Variants in RAD54B observed in about 807,000 individuals in gnomAD.
The protein encoded by RAD54B is DNA repair and recombination protein RAD54B.
Under a neutral mutation model 95.8 loss-of-function variants are expected in RAD54B, and 78 were observed. The observed-to-expected ratio is 0.81, with a 90% CI of 0.68 to 0.98. The LOEUF (loss-of-function observed/expected upper bound fraction) is 0.98, where lower values mean the gene tolerates loss of function less well. Among genes scored for constraint, RAD54B ranks in the 50% least tolerant of loss-of-function variants. RAD54B has a pLI of 0.00. For synonymous variants in RAD54B, 328 were observed against 354.9 expected (o/e 0.92, Z 0.85); for missense variants, 957 against 1,056.6 (o/e 0.91, Z 1.31).
intron 3 of RAD54B, among the ~76,000 whole-genome samples, chr8:94,455,876 T>C (rs757394343): frequency 1.5e-4 from 23 of 152,340 alleles, no homozygotes; most frequent in Middle Eastern, 3.4e-3. Context: ...TTAGGGTCTA[T>C]CTTAATCCAG....
At chr8:94,440,293 A>G (rs1812369114) in intron 3 of RAD54B, among the ~76,000 whole-genome samples, 1 of 152,164 alleles carries the variant, frequency 6.6e-6, no homozygotes, top group Non-Finnish European at 1.5e-5. Flanking sequence ...AATCTGAAAT[A>G]TTTATTACTG....
chr8:94,430,990 A>T, intron 3 of RAD54B: 1 of 985,270 alleles, frequency 1.0e-6, no homozygotes, highest in Non-Finnish European at 1.2e-6. Context: ...CTCACTCTTG[A>T]CTTCAAACAC....
chr8:94,378,038 A>T (rs1810637946), intron 14 of RAD54B, 142 bp downstream of exon 14: 1 of 485,600 alleles, frequency 2.1e-6, no homozygotes, highest in African/African-American at 2.1e-5. Context: ...TCTATCTGGC[A>T]GCTGCCCTAT....
intron 9 of RAD54B, 80 bp downstream of exon 9, chr8:94,393,663 A>C: frequency 1.5e-6 from 2 of 1,363,646 alleles, no homozygotes; most frequent in Non-Finnish European, 2.0e-6. Flanking sequence ...GATTTTTCTA[A>C]ATCAAAATAA....
At chr8:94,383,066 G>T (rs533025561) in intron 11 of RAD54B, among the ~76,000 whole-genome samples, 1 of 152,128 alleles carries the variant, frequency 6.6e-6, no homozygotes, top group Non-Finnish European at 1.5e-5. Flanking sequence ...GGAGGCCAAG[G>T]GGGGTGGGTC....
At chr8:94,463,342 A>G (rs374578535) in intron 2 of RAD54B, among the ~76,000 whole-genome samples, 26 of 152,044 alleles carry the variant, frequency 1.7e-4, no homozygotes, top group African/African-American at 5.3e-4. Flanking sequence ...AGTGCTCCAT[A>G]TCAGCTATCA....
chr8:94,388,764 A>T (rs752034619), intron 10 of RAD54B, among the ~76,000 whole-genome samples: 12 of 152,316 alleles, frequency 7.9e-5, no homozygotes, highest in Non-Finnish European at 1.5e-4. Flanking sequence ...AGGAACTCTA[A>T]AATATTTCTA....
chr8:94,380,530 T>C (rs1293164856), intron 11 of RAD54B, 124 bp from the exon 12 acceptor site: 1 of 1,005,966 alleles, frequency 9.9e-7, no homozygotes, highest in Non-Finnish European at 1.4e-6. Context: ...AATGACCTTG[T>C]ACAATTAAAA....
chr8:94,430,805 G>C, intron 3 of RAD54B: 1 of 985,428 alleles, frequency 1.0e-6, no homozygotes, highest in Non-Finnish European at 1.2e-6. Context: ...TGAAAATTCT[G>C]CTGGAGCTAA....
At position 94,399,277 on chromosome 8, in the gene RAD54B, AG is replaced by A. The variant is rs1340054671; in HGVS notation, c.1378+136del. On this transcript the variant is annotated intron_variant, in intron 8 of 14. Transcript: ENST00000336148. ...GATTTGAAGATTCAGAATCCTACCAAGAGTTAATTAACACAGGTTTATTAGT... is the reference window on the plus strand; with the variant it reads ...GATTTGAAGATTCAGAATCCTACCAAAGTTAATTAACACAGGTTTATTAGT... The A allele has an allele frequency of 8.7e-6, 6 of 686,730 alleles. No homozygotes were observed. The East Asian group carries it at 1.6e-4, about 19-fold the overall frequency. The allele number at this position is 686,730 out of a possible 1,614,324, so 42.5% of individuals were successfully genotyped here.
intron 14 of RAD54B, among the ~76,000 whole-genome samples, chr8:94,376,816 T>C (rs1327924247): frequency 6.7e-6 from 1 of 150,124 alleles, no homozygotes; most frequent in Admixed American, 6.7e-5. Context: ...AATAAACTAA[T>C]AAGCTTCTAT....
At chr8:94,430,154 A>C in intron 3 of RAD54B, 1 of 656,610 alleles carries the variant, frequency 1.5e-6, no homozygotes, top group South Asian at 6.8e-5. Flanking sequence ...TCTACTAAAA[A>C]CACAAAAAAT....
At chr8:94,453,861 G>A (rs548585344) in intron 3 of RAD54B, among the ~76,000 whole-genome samples, 2 of 151,990 alleles carry the variant, frequency 1.3e-5, no homozygotes, top group South Asian at 2.1e-4. Flanking sequence ...GCGCAATCTC[G>A]GCTCACTGCA....
At chr8:94,458,553 TAG>T in intron 2 of RAD54B, 117 bp from the exon 3 acceptor site, 2 of 696,230 alleles carry the variant, frequency 2.9e-6, no homozygotes, top group Non-Finnish European at 4.3e-6. Context: ...ATATATAAAC[TAG>T]AACTAGATAT....
rs146640256 is a variant in RAD54B, at chr8:94,441,097, G to A, written c.304+17171C>T. On this transcript the variant is annotated intron_variant, in intron 3 of 14. Coordinates refer to ENST00000336148, the MANE Select transcript of RAD54B (RefSeq NM_012415.3). ...TTTCTGTTTCACTCTGACCACCGGT[G>A]CATGCAGCCCCTGTCACGTACTCCC... is the stretch of plus-strand genomic sequence containing the variant. Among the ~76,000 whole-genome samples the A allele has an allele frequency of 1.4e-3, 206 of 147,844 alleles. 2 individuals are homozygous for A. The highest frequency in any genetic ancestry group is 5.2e-3 in the African/African-American group (199 of 38,198).
chr8:94,404,543 A>G (rs1337893276), intron 5 of RAD54B, among the ~76,000 whole-genome samples: 1 of 152,250 alleles, frequency 6.6e-6, no homozygotes, highest in Non-Finnish European at 1.5e-5. Flanking sequence ...ACAACATTGA[A>G]TAGTTCAGTA....
intron 8 of RAD54B, among the ~76,000 whole-genome samples, chr8:94,395,690 A>T (rs531871310): frequency 2.2e-4 from 34 of 152,158 alleles, no homozygotes; most frequent in Non-Finnish European, 4.1e-4. Context: ...GTCATCACAG[A>T]GGGGCTTTGA....
intron 11 of RAD54B, among the ~76,000 whole-genome samples, chr8:94,380,789 T>A (rs1810720269): frequency 6.6e-6 from 1 of 152,136 alleles, no homozygotes; most frequent in African/African-American, 2.4e-5. Context: ...AGAGGGAGAT[T>A]CCAGTAAGAA....
Position 94,400,196 on chromosome 8 carries a change from A to AT in RAD54B, c.1170+41dup, listed in dbSNP as rs748542328. On this transcript the variant is annotated intron_variant, in intron 7 of 14. Coordinates refer to ENST00000336148, the MANE Select transcript of RAD54B (RefSeq NM_012415.3). The stretch of plus-strand genomic sequence containing the variant: ...CTGAATTACTGATTTGAAAAACTAG[A>AT]TTTTTTTTAAATGACTAAGGCTAAA... 6.1e-5 allele frequency: 94 copies of AT among 1,534,714 alleles called. 1 individual carries two copies. The highest frequency in any genetic ancestry group is 6.4e-5 in the Non-Finnish European group (72 of 1,117,830).
Sources: gnomAD v4.1 joint callset for allele counts (sites outside exome capture counted in the v4.1 genomes callset) on GRCh38, gnomAD v4.1.1 for gene constraint, MANE v1.5 for transcripts, NCBI Gene and HGNC (gene_info 2026-07-23, HGNC 2026-07-21) for gene names.